The following TENM2 variants were observed in gnomAD, a reference collection of about 807,000 sequenced individuals.
TENM2 encodes the protein teneurin-2.
In TENM2, 52 loss-of-function variants were observed where a neutral mutation model predicts 245.2. That is an observed-to-expected ratio of 0.21 (90% confidence interval 0.17 to 0.27). The LOEUF (loss-of-function observed/expected upper bound fraction) is 0.27. TENM2 is among the 10% of genes least tolerant of loss of function. The pLI is 1.00. For synonymous variants in TENM2, 1,363 were observed against 1,438.9 expected, an observed-to-expected ratio of 0.95 and a Z score of 1.19; for missense variants, 3,046 against 3,666.8, an observed-to-expected ratio of 0.83 and a Z score of 4.37.
chr5:167,402,561 G>A (rs755463163), intron 2 of TENM2, among the ~76,000 whole-genome samples: 1 of 152,106 alleles, frequency 6.6e-6, no homozygotes, highest in Non-Finnish European at 1.5e-5. Context: ...CTTATGAAGA[G>A]ATTAATGTCT....
rs961909936 is a variant in TENM2 at position 168,228,530 on chromosome 5, G to T, written c.5520+400G>T. ...TGGCCAGTTCAACCAATGAATTGGT[G>T]TTCGTGCCTACTATGTGCTGAGTAA... On this transcript the variant is annotated intron_variant, in intron 25 of 28. Coordinates refer to ENST00000518659, the Ensembl canonical transcript of TENM2. 4.7e-5 allele frequency among the ~76,000 whole-genome samples: 4 copies of T among 85,628 alleles called. No homozygotes were observed. The African/African-American group carries it at 5.2e-4, about 11-fold the overall frequency. The allele number at this position is 85,628 out of a possible 152,430, so 56.2% of individuals were successfully genotyped here.
the TENM2 span, among the ~76,000 whole-genome samples, chr5:167,080,672 G>A: frequency 6.6e-6 from 1 of 151,732 alleles, no homozygotes; most frequent in African/African-American, 2.4e-5. Context: ...TAAAATAGAA[G>A]CAATTTGAAA....
chr5:167,551,768 G>C (rs1437644686), intron 2 of TENM2, among the ~76,000 whole-genome samples: 1 of 152,168 alleles, frequency 6.6e-6, no homozygotes, highest in Non-Finnish European at 1.5e-5. Flanking sequence ...GTGCCTTTGA[G>C]GGGCACAGTG....
chr5:168,068,881 T>C (rs1405677806), intron 7 of TENM2, among the ~76,000 whole-genome samples: 2 of 151,962 alleles, frequency 1.3e-5, no homozygotes, highest in Non-Finnish European at 2.9e-5. Flanking sequence ...AATAAGTGAA[T>C]CTGTAACAAT....
At chr5:167,093,328 A>G in the TENM2 span, among the ~76,000 whole-genome samples, 1 of 152,094 alleles carries the variant, frequency 6.6e-6, no homozygotes, top group Non-Finnish European at 1.5e-5. Context: ...TCACATATCC[A>G]TTTTCTTGGT....
the TENM2 span, among the ~76,000 whole-genome samples, chr5:167,279,139 C>T: frequency 2.6e-5 from 4 of 152,080 alleles, no homozygotes; most frequent in Non-Finnish European, 4.4e-5. Context: ...ATAATAAGTC[C>T]ACTTTCGTTC....
the TENM2 span, among the ~76,000 whole-genome samples, chr5:167,052,487 T>G: frequency 1.3e-5 from 2 of 152,168 alleles, no homozygotes; most frequent in Non-Finnish European, 2.9e-5. Context: ...TGGTAGTACT[T>G]TATTTTAAAC....
At chr5:167,467,590 T>C (rs62388837) in intron 2 of TENM2, among the ~76,000 whole-genome samples, 2,937 of 151,504 alleles carry the variant, frequency 0.019, 60 homozygotes, top group Non-Finnish European at 0.021. Flanking sequence ...TTATCCCACA[T>C]AGAAGCCCTT....
At position 167,554,227 on chromosome 5, in the gene TENM2, A is replaced by G. The variant is rs191248800; in HGVS notation, c.502+178754A>G. On this transcript the variant is annotated intron_variant, in intron 2 of 28. Transcript: ENST00000518659. ...AGTGACCTTGTTCTGGACCAGAGCA[A>G]TGGTTAAATTGAAGTAAGGAAGGTT... Among the ~76,000 whole-genome samples, 7 of 152,332 alleles carry G rather than the reference A, an allele frequency of 4.6e-5. No individual in the cohort carries two copies. In the East Asian group the frequency reaches 1.2e-3, roughly 25 times the overall value.
intron 2 of TENM2, among the ~76,000 whole-genome samples, chr5:167,838,964 C>G (rs989482233): frequency 6.6e-6 from 1 of 152,148 alleles, no homozygotes; most frequent in Non-Finnish European, 1.5e-5. Flanking sequence ...TCTGGGCTTG[C>G]TGCTTTCTAG....
At position 168,247,669 on chromosome 5, in the gene TENM2, A is replaced by G; in HGVS notation, c.6730A>G (p.Met2244Val). Residue 2244 changes from methionine (M) to valine (V), a missense_variant, in exon 27 of 29, where the codon ATG (methionine) becomes GTG (valine). Physicochemically the swap from Met to Val is conservative, Grantham distance 21. Coordinates refer to ENST00000518659, the Ensembl canonical transcript of TENM2. The surrounding 1 kb of genome is among the most constrained non-coding windows in gnomAD (Gnocchi z 7.8). Reference sequence around the variant, plus strand: ...GAACCCAGGCAACAGTGTGCGCCTCATGCCCTTGCGCTATGACCTCCGGGA... The same window carrying G: ...GAACCCAGGCAACAGTGTGCGCCTCGTGCCCTTGCGCTATGACCTCCGGGA... 1 of 1,613,880 alleles carries G rather than the reference A, an allele frequency of 6.2e-7. No homozygotes were observed. Among genetic ancestry groups the G allele is most frequent in the Non-Finnish European group, 8.5e-7 (1 of 1,179,888 alleles).
At chr5:167,351,909 C>G (rs1758946212) in intron 1 of TENM2, among the ~76,000 whole-genome samples, 1 of 151,914 alleles carries the variant, frequency 6.6e-6, no homozygotes, top group African/African-American at 2.4e-5. Context: ...CTTTAGGAGT[C>G]CCTCTCTCAA....
Position 168,023,990 on chromosome 5 carries a change from G to A in TENM2, c.1187-23437G>A, listed in dbSNP as rs192758680. Among the ~76,000 whole-genome samples the A allele has an allele frequency of 7.2e-4, 110 of 152,224 alleles. No individual in the cohort carries two copies. The Middle Eastern group carries it at 0.014, about 19-fold the overall frequency. ...TAAGATGTATACATATATAGAGAGA[G>A]ATATTTATACACATATATAAACATA... On this transcript the variant is annotated intron_variant, in intron 5 of 28. Transcript: ENST00000518659.
intron 3 of TENM2, among the ~76,000 whole-genome samples, chr5:167,880,115 C>T (rs1370357224): frequency 1.3e-5 from 2 of 152,208 alleles, no homozygotes; most frequent in Non-Finnish European, 2.9e-5. Context: ...TCACTGCAAC[C>T]TCCGCCCCCC....
At chr5:167,384,616 A>T (rs1761304488) in intron 2 of TENM2, among the ~76,000 whole-genome samples, 1 of 152,240 alleles carries the variant, frequency 6.6e-6, no homozygotes, top group Non-Finnish European at 1.5e-5. Flanking sequence ...ATAATACAGA[A>T]CTATTGAAAG....
chr5:168,159,691 T>C (rs1757568263), intron 12 of TENM2, among the ~76,000 whole-genome samples: 1 of 152,202 alleles, frequency 6.6e-6, no homozygotes, highest in African/African-American at 2.4e-5. Context: ...CAAAGTCCTG[T>C]CCGTTAATTA....
chr5:167,684,409 A>G (rs760152981), intron 2 of TENM2, among the ~76,000 whole-genome samples: 2 of 152,204 alleles, frequency 1.3e-5, no homozygotes, highest in Non-Finnish European at 2.9e-5. Flanking sequence ...TATCTACCTG[A>G]TCGAGATTGA....
chr5:167,745,822 C>A (rs1761519483), intron 2 of TENM2, among the ~76,000 whole-genome samples: 1 of 152,134 alleles, frequency 6.6e-6, no homozygotes, highest in South Asian at 2.1e-4. Flanking sequence ...ATCAGTAGTT[C>A]ATTCTTTTTA....
the TENM2 span, among the ~76,000 whole-genome samples, chr5:167,142,042 A>G: frequency 1.3e-4 from 20 of 152,212 alleles, no homozygotes; most frequent in African/African-American, 3.4e-4. Flanking sequence ...ATGAAACCAT[A>G]TTAACATTGC....
Sources: allele counts gnomAD v4.1 joint callset (sites outside exome capture counted in the v4.1 genomes callset), GRCh38; gene constraint gnomAD v4.1.1; non-coding constraint Gnocchi (gnomAD v3.1); transcripts MANE v1.5; gene names NCBI Gene and HGNC (gene_info 2026-07-23, HGNC 2026-07-21).